CWC27: variants seen among roughly 807,000 people sequenced by gnomAD.
The protein encoded by CWC27 is CWC27 spliceosome associated cyclophilin.
A neutral mutation model predicts 63.6 loss-of-function variants in CWC27; 47 were observed. The observed-to-expected ratio is 0.74, with a 90% CI of 0.58 to 0.94. The LOEUF (loss-of-function observed/expected upper bound fraction) is 0.94, where lower values mean the gene tolerates loss of function less well. Ranked by LOEUF, CWC27 falls within the 40% of genes least tolerant of loss-of-function variation. The pLI is 0.00. For synonymous variants in CWC27, 175 were observed against 179.8 expected (o/e 0.97, Z 0.22); for missense variants, 495 against 554.3 (o/e 0.89, Z 1.07).
intron 11 of CWC27, among the ~76,000 whole-genome samples, chr5:64,888,993 T>C (rs1455831899): frequency 1.3e-5 from 2 of 152,150 alleles, no homozygotes; most frequent in African/African-American, 2.4e-5. Flanking sequence ...TGAGAAGGAA[T>C]ACTACTTCTG....
chr5:64,818,659 T>A (rs1218000946), intron 10 of CWC27, among the ~76,000 whole-genome samples: 10 of 152,172 alleles, frequency 6.6e-5, no homozygotes, highest in Non-Finnish European at 8.8e-5. Flanking sequence ...TGTATGTACA[T>A]GTCTAGTCAC....
At chr5:64,919,357 T>C (rs1477289924) in intron 11 of CWC27, among the ~76,000 whole-genome samples, 3 of 152,202 alleles carry the variant, frequency 2.0e-5, no homozygotes, top group African/African-American at 7.2e-5. Flanking sequence ...ATTTTTTTCT[T>C]TTCTACTTTT....
intron 10 of CWC27, among the ~76,000 whole-genome samples, chr5:64,858,463 AAATAATAAT>A (rs199882585): frequency 0.36 from 53,214 of 146,464 alleles, 10,182 homozygotes; most frequent in East Asian, 0.5. Flanking sequence ...CTCCATCTCA[AAATAATAAT>A]AATAATAATA....
At chr5:64,931,816 G>A (rs1748242500) in intron 11 of CWC27, among the ~76,000 whole-genome samples, 1 of 151,916 alleles carries the variant, frequency 6.6e-6, no homozygotes. Context: ...TTATCATTAT[G>A]CTTTTGACAT....
At chr5:64,952,674 A>G (rs1748733013) in intron 11 of CWC27, among the ~76,000 whole-genome samples, 1 of 152,012 alleles carries the variant, frequency 6.6e-6, no homozygotes, top group Non-Finnish European at 1.5e-5. Context: ...TGCCTGAGAA[A>G]TAATATTAAA....
At chr5:64,804,571 A>G (rs1323304522) in intron 10 of CWC27, 185 bp downstream of exon 10, 2 of 536,302 alleles carry the variant, frequency 3.7e-6, no homozygotes, top group East Asian at 3.0e-5. Flanking sequence ...TAAAGTAAAC[A>G]TAACAATGAT....
At chr5:64,929,627 C>T (rs1395440821) in intron 11 of CWC27, among the ~76,000 whole-genome samples, 2 of 152,078 alleles carry the variant, frequency 1.3e-5, no homozygotes, top group Admixed American at 1.3e-4. Context: ...CATTAGCGAT[C>T]AGGGAAATGC....
At chr5:64,901,875 T>G (rs1747518363) in intron 11 of CWC27, among the ~76,000 whole-genome samples, 3 of 152,202 alleles carry the variant, frequency 2.0e-5, no homozygotes, top group African/African-American at 7.2e-5. Context: ...GTTTTTTACT[T>G]AAAAAGAAGA....
At chr5:64,892,454 A>G (rs1028767283) in intron 11 of CWC27, among the ~76,000 whole-genome samples, 1 of 152,238 alleles carries the variant, frequency 6.6e-6, no homozygotes, top group African/African-American at 2.4e-5. Flanking sequence ...AAGGTTAAAA[A>G]GAAAGATTAC....
chr5:64,768,974 G>T lies in CWC27; in HGVS notation c.-173G>T. The T allele has an allele frequency of 1.7e-6, 1 of 603,218 alleles. No homozygotes were observed. Among genetic ancestry groups the T allele is most frequent in the Non-Finnish European group, 3.0e-6 (1 of 338,154 alleles). The allele number at this position is 603,218 out of a possible 1,614,324, so 37.4% of individuals were successfully genotyped here. ...AACAACATGGCGGCGTCCGTGAGGG[G>T]CTCCTTTGGGCAGGGGTAGTGTTTG... On this transcript the variant is annotated 5_prime_UTR_variant, in exon 1 of 14. Transcript: ENST00000381070.
intron 12 of CWC27, among the ~76,000 whole-genome samples, chr5:64,974,458 C>A (rs1420269878): frequency 6.6e-6 from 1 of 152,058 alleles, no homozygotes; most frequent in Non-Finnish European, 1.5e-5. Context: ...AGTGGAAACC[C>A]CTGATAAACC....
chr5:64,909,755 G>A (rs1475310407), intron 11 of CWC27, among the ~76,000 whole-genome samples: 5 of 152,092 alleles, frequency 3.3e-5, no homozygotes, highest in African/African-American at 7.2e-5. Context: ...CATGTGTCAC[G>A]TAGTTCTCGT....
chr5:64,892,736 A>G (rs555313800), intron 11 of CWC27, among the ~76,000 whole-genome samples: 14 of 151,590 alleles, frequency 9.2e-5, no homozygotes, highest in African/African-American at 3.4e-4. Context: ...AGACCGTACA[A>G]ATGCAGTTGA....
chr5:64,781,519 T>A (rs1743690510), intron 2 of CWC27, among the ~76,000 whole-genome samples: 1 of 152,180 alleles, frequency 6.6e-6, no homozygotes, highest in African/African-American at 2.4e-5. Flanking sequence ...TTTTGCAGTA[T>A]AGGGTGTTTA....
intron 13 of CWC27, among the ~76,000 whole-genome samples, chr5:65,001,846 A>C (rs1749737610): frequency 6.6e-6 from 1 of 151,294 alleles, no homozygotes. Context: ...AGAATGAATT[A>C]GGAAGAATTC....
At chr5:64,959,103 A>G (rs1158435270) in intron 11 of CWC27, among the ~76,000 whole-genome samples, 1 of 152,158 alleles carries the variant, frequency 6.6e-6, no homozygotes, top group African/African-American at 2.4e-5. Context: ...TAGAAAAAAT[A>G]AACTTTAGCA....
chr5:64,875,485 C>G (rs1322007775), intron 10 of CWC27, among the ~76,000 whole-genome samples: 2 of 152,086 alleles, frequency 1.3e-5, no homozygotes, highest in East Asian at 3.8e-4. Flanking sequence ...TCTCTGTTAG[C>G]CTCCCTCATA....
chr5:64,921,241 G>A (rs1040879806), intron 11 of CWC27, among the ~76,000 whole-genome samples: 1 of 152,108 alleles, frequency 6.6e-6, no homozygotes, highest in African/African-American at 2.4e-5. Flanking sequence ...GTAAGTGTAT[G>A]GTTTTGATAC....
chr5:64,826,708 T>TTG (rs1745372005), intron 10 of CWC27, among the ~76,000 whole-genome samples: 14 of 151,816 alleles, frequency 9.2e-5, no homozygotes, highest in Admixed American at 6.6e-4. Context: ...TTTTTGTTTT[T>TTG]TTTTTTTGCT....
Sources: allele counts gnomAD v4.1 joint callset (sites outside exome capture counted in the v4.1 genomes callset), GRCh38; gene constraint gnomAD v4.1.1; transcripts MANE v1.5; gene names NCBI Gene and HGNC (gene_info 2026-07-23, HGNC 2026-07-21).